SLC4A4: variants seen among roughly 807,000 people sequenced by gnomAD.
The protein encoded by SLC4A4 is electrogenic sodium bicarbonate cotransporter 1.
SLC4A4 carries 27 observed loss-of-function variants against 111.5 expected under a neutral mutation model. The observed-to-expected ratio is 0.24, with a 90% confidence interval of 0.18 to 0.33. The LOEUF (loss-of-function observed/expected upper bound fraction) is 0.33, where lower values mean the gene tolerates loss of function less well. Ranked by LOEUF, SLC4A4 falls within the 10% of genes least tolerant of loss-of-function variation. The pLI is 1.00. For synonymous variants in SLC4A4, 443 were observed against 463.4 expected (o/e 0.96, Z 0.57); for missense variants, 909 against 1,315.5 (o/e 0.69, Z 4.78).
chr4:71,073,366 A>C (rs1741718000), intron 1 of SLC4A4, among the ~76,000 whole-genome samples: 1 of 152,142 alleles, frequency 6.6e-6, no homozygotes, highest in Non-Finnish European at 1.5e-5. Flanking sequence ...AATTTTTGTA[A>C]AGTAATCAAA....
chr4:71,160,290 C>T (rs1744584473), intron 2 of SLC4A4, among the ~76,000 whole-genome samples: 1 of 151,856 alleles, frequency 6.6e-6, no homozygotes, highest in Non-Finnish European at 1.5e-5. Flanking sequence ...AATACATTCC[C>T]TATTGTTTTA....
rs567358597 is a variant in SLC4A4 at position 71,563,021 on chromosome 4, T to C, written c.3100-772T>C. 8.1e-4 allele frequency among the ~76,000 whole-genome samples: 123 copies of C among 151,892 alleles called. 1 individual carries two copies. The highest frequency in any genetic ancestry group is 2.8e-3 in the African/African-American group (116 of 41,522). ...AGCCCAAACATAGACTTGGAATCAA[T>C]ATAATGCATTTAAAAAAAACAAAGT... is the stretch of plus-strand genomic sequence containing the variant. On this transcript the variant is annotated intron_variant, in intron 23 of 25. Coordinates refer to ENST00000264485, the MANE Select transcript of SLC4A4 (RefSeq NM_001098484.3).
At chr4:71,260,346 G>T (rs907631498) in intron 3 of SLC4A4, among the ~76,000 whole-genome samples, 6 of 152,042 alleles carry the variant, frequency 3.9e-5, no homozygotes, top group Non-Finnish European at 7.4e-5. Context: ...TTTTTAAAAT[G>T]TTTTCAGGCA....
chr4:71,390,681 G>T (rs1218375398), intron 6 of SLC4A4, among the ~76,000 whole-genome samples: 1 of 151,864 alleles, frequency 6.6e-6, no homozygotes, highest in African/African-American at 2.4e-5. Context: ...CACATAATTG[G>T]CATGAAAATA....
intron 3 of SLC4A4, among the ~76,000 whole-genome samples, chr4:71,295,982 T>C (rs942234110): frequency 1.3e-5 from 2 of 152,172 alleles, no homozygotes; most frequent in Non-Finnish European, 2.9e-5. Context: ...TTCTAAGGCA[T>C]TGTATCATTC....
At chr4:71,318,175 A>C (rs1031972598) in intron 3 of SLC4A4, among the ~76,000 whole-genome samples, 1 of 152,046 alleles carries the variant, frequency 6.6e-6, no homozygotes, top group Non-Finnish European at 1.5e-5. Flanking sequence ...CTCAGTTTGT[A>C]CACACCCCAA....
At chr4:71,251,841 A>AT (rs548940571) in intron 2 of SLC4A4, among the ~76,000 whole-genome samples, 7 of 151,328 alleles carry the variant, frequency 4.6e-5, no homozygotes, top group Admixed American at 1.3e-4. Flanking sequence ...CTAGTGGAGA[A>AT]TTTTTTTTTA....
intron 20 of SLC4A4, 134 bp downstream of exon 20, chr4:71,547,854 T>C (rs915384988): frequency 7.7e-6 from 6 of 780,326 alleles, no homozygotes; most frequent in Non-Finnish European, 9.1e-6. Context: ...AGGGGTCAAG[T>C]AGAAAGAGAG....
At chr4:71,398,239 C>T (rs547619892) in intron 7 of SLC4A4, among the ~76,000 whole-genome samples, 4 of 149,878 alleles carry the variant, frequency 2.7e-5, no homozygotes, top group South Asian at 4.2e-4. Flanking sequence ...GCACTGAGAT[C>T]GCACCACTGT....
At chr4:71,148,730 G>A (rs936391578) in intron 2 of SLC4A4, among the ~76,000 whole-genome samples, 2 of 152,082 alleles carry the variant, frequency 1.3e-5, no homozygotes, top group Admixed American at 1.3e-4. Context: ...ACATGATCTT[G>A]TTCTTTTTTA....
At chr4:71,489,027 G>GGTAAATGAC (rs1416439150) in intron 15 of SLC4A4, among the ~76,000 whole-genome samples, 2 of 132,080 alleles carry the variant, frequency 1.5e-5, no homozygotes, top group Non-Finnish European at 3.3e-5. Flanking sequence ...ATACAATATA[G>GGTAAATGAC]GTAAATGACT....
chr4:71,556,838 TC>T (rs1205179127), intron 21 of SLC4A4, among the ~76,000 whole-genome samples: 1 of 151,966 alleles, frequency 6.6e-6, no homozygotes, highest in Non-Finnish European at 1.5e-5. Flanking sequence ...TGCACTTCTT[TC>T]CCTCCAGAAA....
chr4:71,390,382 A>C (rs549484036), intron 6 of SLC4A4, among the ~76,000 whole-genome samples: 2 of 152,330 alleles, frequency 1.3e-5, no homozygotes, highest in African/African-American at 4.8e-5. Context: ...ATATTGTGGA[A>C]TTTTGCAAAC....
intron 1 of SLC4A4, among the ~76,000 whole-genome samples, chr4:71,225,570 G>C (rs985107303): frequency 1.3e-5 from 2 of 152,162 alleles, no homozygotes; most frequent in Admixed American, 6.5e-5. Flanking sequence ...CTGCCAGCTG[G>C]GTGGTGGTTC....
intron 3 of SLC4A4, among the ~76,000 whole-genome samples, chr4:71,319,613 AAAGAT>A (rs1386511999): frequency 6.6e-6 from 1 of 152,080 alleles, no homozygotes; most frequent in Non-Finnish European, 1.5e-5. Context: ...TTCTCAAAGA[AAAGAT>A]GAGATCAAAA....
chr4:71,236,718 C>G (rs1346963022), intron 2 of SLC4A4, 69 bp downstream of exon 2: 1 of 1,247,102 alleles, frequency 8.0e-7, no homozygotes, highest in Non-Finnish European at 1.2e-6. Context: ...AACATTCATG[C>G]ATTTCATATA....
chr4:71,513,776 C>A (rs1732137433), intron 16 of SLC4A4, among the ~76,000 whole-genome samples: 2 of 151,840 alleles, frequency 1.3e-5, no homozygotes, highest in South Asian at 2.1e-4. Context: ...TTGTACAAGG[C>A]CTTTATTATT....
chr4:71,388,318 A>G (rs1306348453), intron 6 of SLC4A4, among the ~76,000 whole-genome samples: 4 of 152,090 alleles, frequency 2.6e-5, no homozygotes, highest in Admixed American at 2.0e-4. Context: ...TGAGACAGAG[A>G]AAGAGAACTA....
intron 1 of SLC4A4, among the ~76,000 whole-genome samples, chr4:71,078,282 A>T (rs1400919275): frequency 6.6e-6 from 1 of 151,680 alleles, no homozygotes; most frequent in Non-Finnish European, 1.5e-5. Context: ...TAGATGACAG[A>T]TTTTTTTTTC....
Sources: gnomAD v4.1 joint callset for allele counts (sites outside exome capture counted in the v4.1 genomes callset) on GRCh38, gnomAD v4.1.1 for gene constraint, MANE v1.5 for transcripts, NCBI Gene and HGNC (gene_info 2026-07-23, HGNC 2026-07-21) for gene names.